Variants in C10orf53 observed in about 807,000 individuals in gnomAD.
C10orf53 encodes chromosome 10 open reading frame 53.
In C10orf53, 8 loss-of-function variants were observed where a neutral mutation model predicts 9.4. The observed-to-expected ratio is 0.85, with a 90% CI of 0.50 to 1.53. The LOEUF is 1.53. Ranked by LOEUF, C10orf53 falls within the 40% of genes most tolerant of loss-of-function variation. The pLI is 0.00. For synonymous variants in C10orf53, 48 were observed against 46.0 expected, an observed-to-expected ratio of 1.04 and a Z score of -0.18; for missense variants, 117 against 117.8, an observed-to-expected ratio of 0.99 and a Z score of 0.03.
At chr10:49,708,209 G>T in intron 2 of C10orf53, 3 of 1,232,416 alleles carry the variant, frequency 2.4e-6, no homozygotes, top group South Asian at 3.2e-5. Context: ...TAAGCCAGCT[G>T]CAATTGGCTT....
At chr10:49,691,731 G>A (rs554721013) in intron 1 of C10orf53, among the ~76,000 whole-genome samples, 2 of 152,328 alleles carry the variant, frequency 1.3e-5, no homozygotes, top group East Asian at 3.9e-4. Flanking sequence ...GATGCCACGT[G>A]AGGCTCAGTC....
At chr10:49,699,319 G>A (rs1024201710), downstream of C10orf53, among the ~76,000 whole-genome samples, 4 of 145,270 alleles carry the variant, frequency 2.8e-5, no homozygotes, top group South Asian at 2.2e-4. Flanking sequence ...TCAGCCTTCC[G>A]AATAGCTGAG....
chr10:49,706,015 C>T (rs570873167), intron 2 of C10orf53, among the ~76,000 whole-genome samples: 1 of 152,326 alleles, frequency 6.6e-6, no homozygotes, highest in South Asian at 2.1e-4. Context: ...AGATGCTCAG[C>T]ATCATTAGAG....
rs1048486570 is a variant in C10orf53, at chr10:49,694,698, C to T, written c.*96C>T. 2.5e-6 allele frequency: 4 copies of T among 1,589,752 alleles called. No individual in the cohort carries two copies. Among genetic ancestry groups the T allele is most frequent in the Non-Finnish European group, 3.4e-6 (4 of 1,167,476 alleles). On this transcript the variant is annotated 3_prime_UTR_variant, in exon 3 of 3. Transcript: ENST00000374111. ...AAGTGGCTGTGCCACGGTGTGGACA[C>T]TGGGCTCTGCTAGTCAGAACAGGGC...
At chr10:49,680,504 T>C (rs576232866) in intron 1 of C10orf53, among the ~76,000 whole-genome samples, 5 of 152,228 alleles carry the variant, frequency 3.3e-5, no homozygotes, top group South Asian at 2.1e-4. Context: ...ATATAGGCAA[T>C]GGCTGGAGGC....
chr10:49,698,684 ACTGT>A (rs1590646815), downstream of C10orf53, among the ~76,000 whole-genome samples: 1 of 152,158 alleles, frequency 6.6e-6, no homozygotes, highest in East Asian at 1.9e-4. Flanking sequence ...TTCTTCCCAA[ACTGT>A]CTGAATATTG....
intron 1 of C10orf53, among the ~76,000 whole-genome samples, chr10:49,689,015 G>C (rs1840556589): frequency 6.6e-6 from 1 of 152,188 alleles, no homozygotes; most frequent in African/African-American, 2.4e-5. Context: ...GGAAGGGGCA[G>C]GAGTTCTTTT....
downstream of C10orf53, among the ~76,000 whole-genome samples, chr10:49,702,464 C>T (rs182588383): frequency 1.3e-5 from 2 of 152,330 alleles, no homozygotes; most frequent in Admixed American, 6.5e-5. Flanking sequence ...GCCCATACCT[C>T]ATCCAAATCT....
downstream of C10orf53, among the ~76,000 whole-genome samples, chr10:49,701,105 A>G (rs1840679285): frequency 6.6e-6 from 1 of 152,232 alleles, no homozygotes; most frequent in Non-Finnish European, 1.5e-5. Flanking sequence ...TTCTTTGGAT[A>G]CAAAGCAATA....
In C10orf53 at chr10:49,679,709, C is replaced by G; in HGVS notation, c.12C>G (p.Asn4Lys). Residue 4 changes from asparagine to lysine, a missense_variant, in exon 1 of 3, where the codon AAC becomes AAG. Physicochemically the swap from Asn to Lys is moderately conservative, Grantham distance 94 (BLOSUM62 0). Transcript: ENST00000374111. ...GCGGAGGCCTGGCGATGCCCAAGAACGCAGTGGTCATCCTGCGCTATGGGC... is the reference window on the plus strand; with the variant it reads ...GCGGAGGCCTGGCGATGCCCAAGAAGGCAGTGGTCATCCTGCGCTATGGGC... Reference protein sequence around the residue: MPKNAVVILRYGPY... With the variant: MPKKAVVILRYGPY... The G allele has an allele frequency of 1.3e-6, 2 of 1,547,730 alleles. No individual in the cohort carries two copies. The highest frequency in any genetic ancestry group is 1.7e-6 in the Non-Finnish European group (2 of 1,145,690).
At chr10:49,688,402 A>T (rs1840549681) in intron 1 of C10orf53, among the ~76,000 whole-genome samples, 1 of 151,628 alleles carries the variant, frequency 6.6e-6, no homozygotes, top group African/African-American at 2.4e-5. Context: ...ACCCGCCATC[A>T]TCTCCTGCCT....
chr10:49,693,888 A>C lies in C10orf53; in HGVS notation c.212A>C (p.Glu71Ala), dbSNP rs151088739. Reference sequence around the variant, plus strand: ...TTCCACTGCAACATTAAGGACTTGGAGTTCGGTAAGCCCTTTGGCGATGCT... The same window carrying C: ...TTCCACTGCAACATTAAGGACTTGGCGTTCGGTAAGCCCTTTGGCGATGCT... ...VIFHCNIKDLEFGGDGKLDPL... is the reference protein window; with the variant it reads ...VIFHCNIKDLAFGGDGKLDPL... The change falls in exon 2 of 3, where the codon GAG becomes GCG. Residue 71 changes from glutamate (E) to alanine (A), a missense_variant. Glu to Ala is a moderately radical substitution (Grantham distance 107). Coordinates refer to ENST00000374111, the MANE Select transcript of C10orf53 (RefSeq NM_001042427.3). 2,871 of 1,614,240 alleles carry C rather than the reference A, an allele frequency of 1.8e-3. 46 individuals are homozygous for C. In the South Asian group the frequency reaches 0.025, roughly 14 times the overall value.
At chr10:49,685,034 G>A (rs1264498259) in intron 1 of C10orf53, among the ~76,000 whole-genome samples, 1 of 152,144 alleles carries the variant, frequency 6.6e-6, no homozygotes, top group Non-Finnish European at 1.5e-5. Flanking sequence ...CCCCAAGACT[G>A]CAACATAGAA....
At chr10:49,704,466 C>T (rs1047242503) in intron 2 of C10orf53, among the ~76,000 whole-genome samples, 3 of 152,122 alleles carry the variant, frequency 2.0e-5, no homozygotes, top group African/African-American at 4.8e-5. Flanking sequence ...CTAGGCCAGG[C>T]GCAGTAGCTC....
At chr10:49,707,761 G>A (rs573600548) in intron 2 of C10orf53, among the ~76,000 whole-genome samples, 66 of 152,074 alleles carry the variant, frequency 4.3e-4, no homozygotes, top group African/African-American at 1.5e-3. Flanking sequence ...GTAGCACGCC[G>A]CATTTGAATA....
At chr10:49,701,043 C>T (rs1010794719), downstream of C10orf53, among the ~76,000 whole-genome samples, 3 of 152,034 alleles carry the variant, frequency 2.0e-5, no homozygotes, top group Non-Finnish European at 4.4e-5. Context: ...AATGATGTGC[C>T]TTTATTGACA....
In C10orf53 at chr10:49,690,086, G is replaced by A. The variant is rs560701400; in HGVS notation, c.98-3688G>A. Among the ~76,000 whole-genome samples the A allele has an allele frequency of 4.8e-4, 73 of 152,212 alleles. 1 individual carries two copies. Among genetic ancestry groups the A allele is most frequent in the African/African-American group, 1.6e-3 (67 of 41,528 alleles). ...GAAGGCTTCCCTGCAGGAGGTGAGC[G>A]GGTGGAAACACAGCAAAAAGCGAAG... On this transcript the variant is annotated intron_variant, in intron 1 of 2. Coordinates refer to ENST00000374111, the MANE Select transcript of C10orf53 (RefSeq NM_001042427.3).
In C10orf53 at chr10:49,695,076, C is replaced by A; in HGVS notation, c.*474C>A. The A allele has an allele frequency of 2.2e-6, 1 of 450,034 alleles. No individual in the cohort carries two copies. Among genetic ancestry groups the A allele is most frequent in the Non-Finnish European group, 2.9e-6 (1 of 340,446 alleles). The allele number at this position is 450,034 out of a possible 1,614,324, so 27.9% of individuals were successfully genotyped here. A position where few individuals can be genotyped will look rare whatever the true frequency, so the allele number is the denominator to read the frequency against. On this transcript the variant is annotated 3_prime_UTR_variant, in exon 3 of 3. Coordinates refer to ENST00000374111, the MANE Select transcript of C10orf53 (RefSeq NM_001042427.3). The stretch of plus-strand genomic sequence containing the variant: ...CAAATGTTAATATTTGGAAACCTTG[C>A]TATTCCTACAGATTTATTTCTGACT...
chr10:49,708,466 T>C (rs1276971091), exon 3 of C10orf53: 3 of 1,614,002 alleles, frequency 1.9e-6, no homozygotes, highest in Non-Finnish European at 2.5e-6. Context: ...TTGCAACAGT[T>C]CCCACAAAAG....
Sources: gnomAD v4.1 joint callset for allele counts (sites outside exome capture counted in the v4.1 genomes callset) on GRCh38, gnomAD v4.1.1 for gene constraint, MANE v1.5 for transcripts, NCBI Gene and HGNC (gene_info 2026-07-23, HGNC 2026-07-21) for gene names.